ADGRA3: variants seen among roughly 807,000 people sequenced by gnomAD.
ADGRA3 encodes the protein adhesion G protein-coupled receptor A3.
In ADGRA3, 56 loss-of-function variants were observed where a neutral mutation model predicts 119.8. That is an observed-to-expected ratio of 0.47 (90% CI 0.38 to 0.58). The LOEUF (loss-of-function observed/expected upper bound fraction) is 0.58, where lower values mean the gene tolerates loss of function less well. Ranked by LOEUF, ADGRA3 falls within the 20% of genes least tolerant of loss-of-function variation. The pLI is 0.00. For missense variants in ADGRA3, 1,516 were observed against 1,649.0 expected (o/e 0.92, Z 1.40); for synonymous variants, 607 against 623.8 (o/e 0.97, Z 0.40).
intron 12 of ADGRA3, 92 bp downstream of exon 12, chr4:22,420,794 A>G: frequency 1.6e-6 from 2 of 1,245,380 alleles, no homozygotes; most frequent in East Asian, 2.3e-5. Context: ...CAAAAAAAAA[A>G]TCTTTTAATA....
intron 2 of ADGRA3, among the ~76,000 whole-genome samples, chr4:22,464,118 C>T (rs1420869400): frequency 6.6e-6 from 1 of 152,130 alleles, no homozygotes; most frequent in Non-Finnish European, 1.5e-5. Flanking sequence ...CAACCACCAC[C>T]CCCAATACTT....
intron 2 of ADGRA3, among the ~76,000 whole-genome samples, chr4:22,470,495 T>C (rs1717821763): frequency 6.6e-6 from 1 of 152,146 alleles, no homozygotes; most frequent in Non-Finnish European, 1.5e-5. Flanking sequence ...TACAAAATCC[T>C]AACCTTTATT....
At chr4:22,457,146 GGTT>G (rs1201477311) in intron 3 of ADGRA3, among the ~76,000 whole-genome samples, 1 of 152,118 alleles carries the variant, frequency 6.6e-6, no homozygotes, top group Non-Finnish European at 1.5e-5. Context: ...ATTGATAATG[GGTT>G]GTTATTTGGA....
At chr4:22,390,423 T>TTC in intron 17 of ADGRA3, among the ~76,000 whole-genome samples, 1 of 105,016 alleles carries the variant, frequency 9.5e-6, no homozygotes, top group Non-Finnish European at 1.6e-5. Context: ...TATATATATA[T>TTC]AATACGTATT....
rs140038395 is a variant in ADGRA3 at position 22,512,326 on chromosome 4, G to A, written c.257+3202C>T. Among the ~76,000 whole-genome samples the A allele has an allele frequency of 6.6e-5, 10 of 152,228 alleles. No individual in the cohort carries two copies. In the East Asian group the frequency reaches 1.9e-3, roughly 29 times the overall value. On this transcript the variant is annotated intron_variant, in intron 1 of 18. Transcript: ENST00000334304. Reference sequence around the variant, plus strand: ...TTGCTACATGTGCACCCTGGTAATAGAGCATTGACCATACTGTTCTGAGAC... The same window carrying A: ...TTGCTACATGTGCACCCTGGTAATAAAGCATTGACCATACTGTTCTGAGAC...
chr4:22,425,108 C>A (rs1304045366), intron 10 of ADGRA3, among the ~76,000 whole-genome samples: 1 of 150,876 alleles, frequency 6.6e-6, no homozygotes, highest in African/African-American at 2.4e-5. Context: ...GGCAGGCATA[C>A]TACCCACCTC....
At chr4:22,444,065 C>G (rs1474077794) in intron 6 of ADGRA3, among the ~76,000 whole-genome samples, 1 of 152,086 alleles carries the variant, frequency 6.6e-6, no homozygotes, top group South Asian at 2.1e-4. Flanking sequence ...TCATTTAACA[C>G]GTGGCAAATA....
chr4:22,411,613 A>T (rs1471232925), intron 14 of ADGRA3, among the ~76,000 whole-genome samples: 3 of 152,198 alleles, frequency 2.0e-5, no homozygotes, highest in Non-Finnish European at 4.4e-5. Context: ...AAAACAAAAA[A>T]TAAATATAAG....
Position 22,515,662 on chromosome 4 carries a change from G to C in ADGRA3, c.123C>G (p.Ala41=), listed in dbSNP as rs759245282. Reference sequence around the variant, plus strand: ...GGGGCCGCCCATCGTGCTTGCAGCCGGCGGGCAGCGCCGCGGCGCCGCCGC... The same window carrying C: ...GGGGCCGCCCATCGTGCTTGCAGCCCGCGGGCAGCGCCGCGGCGCCGCCGC... The part of the protein sequence containing the change: ...GGGGGAAALP[A]GCKHDGRPRG... The change falls in exon 1 of 19, where the codon GCC becomes GCG. Residue 41 remains alanine (A), a synonymous_variant. Transcript: ENST00000334304. 1.0e-5 allele frequency: 13 copies of C among 1,253,076 alleles called. No individual in the cohort carries two copies. In the South Asian group the frequency reaches 2.8e-4, roughly 27 times the overall value. 77.6% of individuals were successfully genotyped at this position (1,253,076 alleles called of 1,614,324 possible).
intron 3 of ADGRA3, among the ~76,000 whole-genome samples, chr4:22,457,525 A>G (rs1717282036): frequency 6.6e-6 from 1 of 152,198 alleles, no homozygotes; most frequent in Admixed American, 6.5e-5. Flanking sequence ...TTAAGAATGT[A>G]TCTTCTAGTG....
intron 1 of ADGRA3, 121 bp downstream of exon 1, chr4:22,515,407 C>A: frequency 8.1e-7 from 1 of 1,232,394 alleles, no homozygotes; most frequent in Non-Finnish European, 1.1e-6. Flanking sequence ...CCTAGCACCG[C>A]CCCCTGCCTA....
chr4:22,501,343 A>G (rs1022379928), intron 1 of ADGRA3, among the ~76,000 whole-genome samples: 6 of 53,906 alleles, frequency 1.1e-4, no homozygotes, highest in Non-Finnish European at 3.0e-4. Flanking sequence ...AAGGAGAACA[A>G]TGAGAAAGGC....
At chr4:22,497,605 T>C (rs1358858414) in intron 1 of ADGRA3, among the ~76,000 whole-genome samples, 2 of 151,964 alleles carry the variant, frequency 1.3e-5, no homozygotes, top group African/African-American at 2.4e-5. Context: ...GAAGATCACC[T>C]GAGGTCAGGA....
intron 4 of ADGRA3, 75 bp from the exon 5 acceptor site, chr4:22,447,586 G>T: frequency 1.2e-6 from 1 of 837,220 alleles, no homozygotes; most frequent in Non-Finnish European, 1.9e-6. Flanking sequence ...ATTTTCTAAA[G>T]CATCCTACAG....
chr4:22,455,011 A>G, intron 3 of ADGRA3, 74 bp from the exon 4 acceptor site: 1 of 982,552 alleles, frequency 1.0e-6, no homozygotes, highest in Non-Finnish European at 1.6e-6. Context: ...TCAGTATTCA[A>G]GAACAGCACC....
At chr4:22,391,204 G>C (rs1305641377) in intron 17 of ADGRA3, among the ~76,000 whole-genome samples, 2 of 151,968 alleles carry the variant, frequency 1.3e-5, no homozygotes, top group Non-Finnish European at 2.9e-5. Flanking sequence ...GCTCCTCCTA[G>C]ACAATCTCTA....
chr4:22,394,238 A>G (rs2108996908), intron 16 of ADGRA3: 1 of 152,286 alleles, frequency 6.6e-6, no homozygotes, highest in Non-Finnish European at 1.5e-5. Flanking sequence ...TTTTAATGAG[A>G]ACCAATCTGC....
chr4:22,464,009 T>C (rs1357603761), intron 2 of ADGRA3, among the ~76,000 whole-genome samples: 1 of 152,178 alleles, frequency 6.6e-6, no homozygotes, highest in Non-Finnish European at 1.5e-5. Context: ...ATCCTCATTT[T>C]AACACACAGG....
intron 1 of ADGRA3, among the ~76,000 whole-genome samples, chr4:22,502,305 G>A (rs1249527922): frequency 6.6e-6 from 1 of 152,166 alleles, no homozygotes; most frequent in Non-Finnish European, 1.5e-5. Flanking sequence ...TGTAGTGATG[G>A]ACTTTAAAAT....
Sources: allele counts gnomAD v4.1 joint callset (sites outside exome capture counted in the v4.1 genomes callset), GRCh38; gene constraint gnomAD v4.1.1; transcripts MANE v1.5; gene names NCBI Gene and HGNC (gene_info 2026-07-23, HGNC 2026-07-21).